MIDEAS: variants seen among roughly 807,000 people sequenced by gnomAD.
MIDEAS encodes mitotic deacetylase associated SANT domain protein.
A neutral mutation model predicts 102.7 loss-of-function variants in MIDEAS; 26 were observed. The ratio of observed to expected loss-of-function variants is 0.25; its 90% CI spans 0.19 to 0.35. The LOEUF is 0.35. Among genes scored for constraint, MIDEAS ranks in the 10% least tolerant of loss-of-function variants. The pLI is 1.00. For missense variants in MIDEAS, 1,231 were observed against 1,435.6 expected (o/e 0.86, Z 2.30); for synonymous variants, 585 against 591.0 (o/e 0.99, Z 0.15).
chr14:73,718,898 G>T lies in MIDEAS; in HGVS notation c.3245C>A (p.Ala1082Asp). Residue 1082 changes from alanine to aspartate, a missense_variant, in exon 13 of 13, where the codon GCC (alanine) becomes GAC (aspartate). This residue lies in a region of MIDEAS where 71 missense variants were observed against 51.9 expected (regional missense o/e 1.37). Coordinates refer to ENST00000423556, the MANE Select transcript of MIDEAS (RefSeq NM_001367710.1). ...CCGCAGGGCCTGCTGGTGGGCGGCGGCGGCGGCAGCAGCGGCCTCTTTCTC... is the reference window on the plus strand; with the variant it reads ...CCGCAGGGCCTGCTGGTGGGCGGCGTCGGCGGCAGCAGCGGCCTCTTTCTC... ...LKEKEAAAAA[A>D]AAHQQALREE... 3 of 1,520,874 alleles carry T rather than the reference G, an allele frequency of 2.0e-6. No individual in the cohort carries two copies. Among genetic ancestry groups the T allele is most frequent in the South Asian group, 2.4e-5 (2 of 82,376 alleles). The allele number at this position is 1,520,874 out of a possible 1,614,324, so 94.2% of individuals were successfully genotyped here.
chr14:73,727,372 C>T (rs780026563), intron 5 of MIDEAS, 86 bp downstream of exon 5: 4 of 1,420,558 alleles, frequency 2.8e-6, no homozygotes, highest in Admixed American at 1.7e-5. Flanking sequence ...CCCACGGAAC[C>T]CTCCTGTTGC....
At chr14:73,771,010 A>C (rs1310374588) in intron 1 of MIDEAS, among the ~76,000 whole-genome samples, 2 of 152,144 alleles carry the variant, frequency 1.3e-5, no homozygotes, top group Non-Finnish European at 2.9e-5. Flanking sequence ...TCTAGGAATA[A>C]ACACGATATT....
intron 1 of MIDEAS, chr14:73,755,028 A>G (rs888392330): frequency 3.3e-5 from 5 of 152,214 alleles, no homozygotes; most frequent in African/African-American, 1.2e-4. Context: ...ACTGGGATAA[A>G]CCTTGCCCTG....
intron 1 of MIDEAS, among the ~76,000 whole-genome samples, chr14:73,781,593 G>C (rs1185633688): frequency 6.6e-6 from 1 of 152,012 alleles, no homozygotes; most frequent in African/African-American, 2.4e-5. Context: ...AATTAGCCAG[G>C]TGTGGTGGCG....
intron 7 of MIDEAS, 96 bp from the exon 8 acceptor site, chr14:73,726,204 C>A (rs1007222409): frequency 4.7e-5 from 47 of 998,670 alleles, no homozygotes; most frequent in Non-Finnish European, 7.3e-5. Flanking sequence ...GTAGGGTGGA[C>A]ACTTACTCTT....
intron 1 of MIDEAS, among the ~76,000 whole-genome samples, chr14:73,779,767 C>T (rs1219650244): frequency 2.8e-5 from 4 of 141,102 alleles, no homozygotes; most frequent in African/African-American, 5.2e-5. Context: ...TTAGTAGAGA[C>T]GGGGTTTCAC....
intron 1 of MIDEAS, among the ~76,000 whole-genome samples, chr14:73,757,401 A>C (rs1566602342): frequency 6.6e-6 from 1 of 152,094 alleles, no homozygotes; most frequent in Non-Finnish European, 1.5e-5. Flanking sequence ...AACTCACAGA[A>C]TCCTCACAGC....
At chr14:73,785,976 T>C (rs1425660196) in intron 1 of MIDEAS, among the ~76,000 whole-genome samples, 1 of 152,238 alleles carries the variant, frequency 6.6e-6, no homozygotes, top group Non-Finnish European at 1.5e-5. Context: ...TCTTCGCCAC[T>C]ACCGAGGTCT....
chr14:73,719,193 G>C (rs1281336915), intron 12 of MIDEAS, 112 bp downstream of exon 12: 18 of 1,501,442 alleles, frequency 1.2e-5, no homozygotes, highest in Non-Finnish European at 1.4e-5. Flanking sequence ...GAGCCAACCA[G>C]AAACGAGGCG....
At chr14:73,783,682 G>A (rs1195652013) in intron 1 of MIDEAS, among the ~76,000 whole-genome samples, 4 of 152,202 alleles carry the variant, frequency 2.6e-5, no homozygotes, top group Admixed American at 6.5e-5. Context: ...GTCGTAAAGC[G>A]TTTGCCCTGT....
intron 4 of MIDEAS, 149 bp from the exon 5 acceptor site, chr14:73,727,673 GCCTGTCACCTA>G (rs2053082866): frequency 2.8e-6 from 2 of 706,032 alleles, no homozygotes; most frequent in Middle Eastern, 2.5e-4. Flanking sequence ...TGGCTCTGCA[GCCTGTCACCTA>G]CGAAAACGCA....
intron 1 of MIDEAS, among the ~76,000 whole-genome samples, chr14:73,755,690 C>G (rs188912500): frequency 2.0e-4 from 31 of 152,328 alleles, no homozygotes; most frequent in African/African-American, 7.2e-4. Flanking sequence ...CACACAGACA[C>G]TGGGTCTGGG....
At chr14:73,782,118 T>A (rs2053763050) in intron 1 of MIDEAS, among the ~76,000 whole-genome samples, 1 of 152,150 alleles carries the variant, frequency 6.6e-6, no homozygotes. Flanking sequence ...GTGCATTTTA[T>A]AGTATGTGAA....
intron 1 of MIDEAS, among the ~76,000 whole-genome samples, chr14:73,744,683 G>A (rs986220318): frequency 4.0e-5 from 6 of 150,360 alleles, no homozygotes; most frequent in Non-Finnish European, 5.9e-5. Context: ...TGCAGACCTT[G>A]GCTCCTGCCA....
At chr14:73,773,853 T>A (rs2053664751) in intron 1 of MIDEAS, among the ~76,000 whole-genome samples, 1 of 151,464 alleles carries the variant, frequency 6.6e-6, no homozygotes, top group Non-Finnish European at 1.5e-5. Context: ...TAAAACCCTG[T>A]CTCTACTGAA....
intron 1 of MIDEAS, among the ~76,000 whole-genome samples, chr14:73,768,421 C>T (rs564845906): frequency 2.0e-5 from 3 of 152,108 alleles, no homozygotes; most frequent in African/African-American, 7.2e-5. Flanking sequence ...TGAGGGATTA[C>T]AGACTGGAGC....
In MIDEAS at chr14:73,739,113, G is replaced by A. The variant is rs754474089; in HGVS notation, c.896C>T (p.Ser299Phe). 28 of 1,608,386 alleles carry A rather than the reference G, an allele frequency of 1.7e-5. No individual in the cohort carries two copies. The highest frequency in any genetic ancestry group is 2.3e-5 in the Non-Finnish European group (27 of 1,176,592). Residue 299 changes from serine (S) to phenylalanine (F), a missense_variant, in exon 2 of 13, where the codon TCC becomes TTC. Around this residue, in one of 5 missense-constraint regions of MIDEAS, gnomAD observed 758 missense variants for 856.0 expected, o/e 0.89. Coordinates refer to ENST00000423556, the MANE Select transcript of MIDEAS (RefSeq NM_001367710.1). ...GLQPAGPLGQ[S>F]HLAHHSMAPY... ...TGCCATGCTGTGGTGAGCCAGGTGG[G>A]ACTGTCCCAGTGGCCCAGCTGGCTG... is the stretch of plus-strand genomic sequence containing the variant.
intron 1 of MIDEAS, among the ~76,000 whole-genome samples, chr14:73,746,855 A>G (rs1317815166): frequency 6.6e-6 from 1 of 152,170 alleles, no homozygotes; most frequent in African/African-American, 2.4e-5. Context: ...TTTGCTGAGC[A>G]CTTGCTGCAA....
chr14:73,752,999 A>T (rs1019175072), intron 1 of MIDEAS, among the ~76,000 whole-genome samples: 1 of 152,188 alleles, frequency 6.6e-6, no homozygotes, highest in African/African-American at 2.4e-5. Context: ...ACCTAGCCCC[A>T]GCCTTTGATT....
Sources: allele counts gnomAD v4.1 joint callset (sites outside exome capture counted in the v4.1 genomes callset), GRCh38; gene constraint gnomAD v4.1.1; regional missense constraint gnomAD v4.1.1; transcripts MANE v1.5; gene names NCBI Gene and HGNC (gene_info 2026-07-23, HGNC 2026-07-21).